The following ZNF816 variants were observed in gnomAD, a reference collection of about 807,000 sequenced individuals.
The protein encoded by ZNF816 is zinc finger protein 816.
A neutral mutation model predicts 8.3 loss-of-function variants in ZNF816; 11 were observed. The observed-to-expected ratio is 1.32, with a 90% CI of 0.83 to 2.19. ZNF816 has a LOEUF of 2.19. Among genes scored for constraint, ZNF816 ranks in the 30% most tolerant of loss-of-function variants. The probability of loss-of-function intolerance (pLI) is 0.00; values close to 1 mark genes in which losing one functional copy is unlikely to be tolerated. For synonymous variants in ZNF816, 255 were observed against 254.5 expected (o/e 1.00, Z -0.02); for missense variants, 710 against 779.3 (o/e 0.91, Z 1.06).
chr19:52,956,093 T>A lies in ZNF816; in HGVS notation c.-4A>T. 1 of 1,606,260 alleles carries A rather than the reference T, an allele frequency of 6.2e-7. No homozygotes were observed. Among genetic ancestry groups the A allele is most frequent in the Admixed American group, 1.8e-5 (1 of 56,688 alleles). On this transcript the variant is annotated 5_prime_UTR_variant, in exon 2 of 4. Transcript: ENST00000444460. Reference sequence around the variant, plus strand: ...TGGTGGCTTCCTCACGTAACATGAGTCTTTGGAAATCCTGTATGTTAAAAA... The same window carrying A: ...TGGTGGCTTCCTCACGTAACATGAGACTTTGGAAATCCTGTATGTTAAAAA...
Position 52,951,042 on chromosome 19 carries a change from TTAAGAGTGAGC to T in ZNF816, c.722_732del (p.Ser241LysfsTer14). 1 of 1,614,042 alleles carries T rather than the reference TTAAGAGTGAGC, an allele frequency of 6.2e-7. No homozygotes were observed. Among genetic ancestry groups the T allele is most frequent in the Non-Finnish European group, 8.5e-7 (1 of 1,179,982 alleles). On this transcript the variant is annotated frameshift_variant, in exon 4 of 4. Transcript: ENST00000444460. LOFTEE classifies it low-confidence loss of function (END_TRUNC). Reference sequence around the variant, plus strand: ...CTTGAATGGGTTATGTGGTGTCTCCTTAAGAGTGAGCTATAATTAAAGGCTTTGCCACACTC... The same window carrying T: ...CTTGAATGGGTTATGTGGTGTCTCCTTATAATTAAAGGCTTTGCCACACTC...
At chr19:52,952,603 G>T in intron 3 of ZNF816, 148 bp downstream of exon 3, 3 of 1,460,108 alleles carry the variant, frequency 2.1e-6, no homozygotes, top group South Asian at 2.6e-5. Flanking sequence ...AGCTGTCCAT[G>T]ACAGATAGGA....
At chr19:52,958,993 G>A (rs1195972671) in intron 1 of ZNF816, among the ~76,000 whole-genome samples, 1 of 152,204 alleles carries the variant, frequency 6.6e-6, no homozygotes, top group Non-Finnish European at 1.5e-5. Flanking sequence ...CTTTTACGCT[G>A]TATGTTTCTG....
rs2115085 is a variant in ZNF816 at position 52,957,058 on chromosome 19, C to T, written c.-15-954G>A. Among the ~76,000 whole-genome samples, 151,916 of 152,280 alleles carry T rather than the reference C, an allele frequency of 1. 75,778 individuals carry two copies. The highest frequency in any genetic ancestry group is 1 in the Middle Eastern group (294 of 294). On this transcript the variant is annotated intron_variant, in intron 1 of 3. Coordinates refer to ENST00000444460, the MANE Select transcript of ZNF816 (RefSeq NM_001202457.3). This position sits in a 1 kb window ranked among gnomAD's most constrained non-coding sequence, Gnocchi z 4.6. ...ACCCTTTCACGTGGATGCCTTAGAG[C>T]TGTAAGCCCTTAAAAGGGCCAGGAA... is the stretch of plus-strand genomic sequence containing the variant.
intron 2 of ZNF816, 38 bp downstream of exon 2, chr19:52,955,989 G>C: frequency 6.3e-7 from 1 of 1,587,086 alleles, no homozygotes; most frequent in Non-Finnish European, 8.5e-7. Context: ...CTTCAGAAAG[G>C]AAAGAGACAG....
At chr19:52,954,638 A>G (rs974389066) in intron 2 of ZNF816, among the ~76,000 whole-genome samples, 3 of 152,106 alleles carry the variant, frequency 2.0e-5, no homozygotes, top group African/African-American at 7.2e-5. Context: ...CAGCCTGGCC[A>G]ACATGGTGAA....
rs201936510 is a variant in ZNF816 at position 52,951,899 on chromosome 19, GAA to G, written c.191-317_191-316del. Reference sequence around the variant, plus strand: ...GGCAACAAGAGCAAAATTCTGTGTAGAAAAAAAAAAGAGTTCAGTCAAGAGCC... The same window carrying G: ...GGCAACAAGAGCAAAATTCTGTGTAGAAAAAAAAGAGTTCAGTCAAGAGCC... On this transcript the variant is annotated intron_variant, in intron 3 of 3. Transcript: ENST00000444460. The G allele has an allele frequency of 1.2e-3, 465 of 372,428 alleles. 1 individual carries two copies. Among genetic ancestry groups the G allele is most frequent in the African/African-American group, 9.1e-3 (421 of 46,452 alleles). The allele number at this position is 372,428 out of a possible 1,614,324, so 23.1% of individuals were successfully genotyped here. A position where few individuals can be genotyped will look rare whatever the true frequency, so the allele number is the denominator to read the frequency against.
rs927761753 is a variant in ZNF816 at position 52,950,889 on chromosome 19, G to A, written c.886C>T (p.Gln296Ter). ...CGATGGCATACAAGGGATGACATCTGAGTGAAGGTCTTCCCACACTCATTA... is the reference window on the plus strand; with the variant it reads ...CGATGGCATACAAGGGATGACATCTAAGTGAAGGTCTTCCCACACTCATTA... Reference protein sequence around the residue: ...KCNECGKTFTQMSSLVCHRRL... With the variant: ...KCNECGKTFT The change falls in exon 4 of 4, where the codon CAG (glutamine) becomes TAG (stop). Residue 296 changes from glutamine (Q) to a stop codon, truncating the protein, a stop_gained. Transcript: ENST00000444460. LOFTEE classifies it low-confidence loss of function (END_TRUNC). The A allele has an allele frequency of 4.3e-6, 7 of 1,613,996 alleles. No individual in the cohort carries two copies. The highest frequency in any genetic ancestry group is 5.9e-6 in the Non-Finnish European group (7 of 1,180,028).
rs200988588 is a variant in ZNF816 at position 52,950,769 on chromosome 19, T to C, written c.1006A>G (p.Thr336Ala). ...SSLRCHRRLH[T>A]GEKPYKCNEC... Reference sequence around the variant, plus strand: ...TTACACTTGTAAGGTTTCTCTCCAGTATGAAGTCTACGATGGCATCTAAGG... The same window carrying C: ...TTACACTTGTAAGGTTTCTCTCCAGCATGAAGTCTACGATGGCATCTAAGG... The change falls in exon 4 of 4, where the codon ACT becomes GCT. Residue 336 changes from threonine to alanine, a missense_variant. Coordinates refer to ENST00000444460, the MANE Select transcript of ZNF816 (RefSeq NM_001202457.3). 90 of 1,613,686 alleles carry C rather than the reference T, an allele frequency of 5.6e-5. No homozygotes were observed. Among genetic ancestry groups the C allele is most frequent in the Non-Finnish European group, 2.4e-5 (28 of 1,180,044 alleles).
chr19:52,960,199 G>T, intron 1 of ZNF816: 1 of 242,196 alleles, frequency 4.1e-6, no homozygotes, highest in South Asian at 4.9e-5. Flanking sequence ...ACAATGCGAG[G>T]CAGGGTTCAG....
intron 2 of ZNF816, among the ~76,000 whole-genome samples, chr19:52,954,786 C>A (rs1053739485): frequency 1.7e-5 from 2 of 115,918 alleles, no homozygotes; most frequent in African/African-American, 3.6e-5. Flanking sequence ...ACACTCCAGG[C>A]GGGGAGGCCC....
chr19:52,950,859 G>A lies in ZNF816; in HGVS notation c.916C>T (p.Leu306Phe). 6.2e-7 allele frequency: 1 copy of A among 1,613,974 alleles called. No individual in the cohort carries two copies. ...QMSSLVCHRR[L>F]HTGEKPYKCN... ...TTGTAAGGTTTCTCTCCAGTATGAA[G>A]TCTACGATGGCATACAAGGGATGAC... Residue 306 changes from leucine (L) to phenylalanine (F), a missense_variant, in exon 4 of 4, where the codon CTT becomes TTT. Coordinates refer to ENST00000444460, the MANE Select transcript of ZNF816 (RefSeq NM_001202457.3).
Position 52,955,915 on chromosome 19 carries a change from C to A in ZNF816, c.63+112G>T, listed in dbSNP as rs1002980489. 6 of 1,373,842 alleles carry A rather than the reference C, an allele frequency of 4.4e-6. No homozygotes were observed. The Admixed American group carries it at 6.6e-5, about 15-fold the overall frequency. The allele number at this position is 1,373,842 out of a possible 1,614,324, so 85.1% of individuals were successfully genotyped here. A position where few individuals can be genotyped will look rare whatever the true frequency, so the allele number is the denominator to read the frequency against. On this transcript the variant is annotated intron_variant, in intron 2 of 3. Coordinates refer to ENST00000444460, the MANE Select transcript of ZNF816 (RefSeq NM_001202457.3). ...GACTGAGAAAAGACACGGGTGAGTGCGAGCAAACGTGTGATGTAGAATGCT... is the reference window on the plus strand; with the variant it reads ...GACTGAGAAAAGACACGGGTGAGTGAGAGCAAACGTGTGATGTAGAATGCT...
rs149508172 is a variant in ZNF816, at chr19:52,949,859, T to C, written c.1916A>G (p.His639Arg). ...AFTGQSTLIH[H>R]QAIHGCRETL... ...TTCCCTACACCCATGGATTGCTTGA[T>C]GGTGAATAAGTGTTGACTGTCCAGT... The change falls in exon 4 of 4, where the codon CAT (histidine) becomes CGT (arginine). Residue 639 changes from histidine to arginine, a missense_variant. His to Arg is a conservative substitution (Grantham distance 29). Transcript: ENST00000444460. 148 of 1,613,652 alleles carry C rather than the reference T, an allele frequency of 9.2e-5. 1 individual carries two copies. The highest frequency in any genetic ancestry group is 1.2e-4 in the Non-Finnish European group (139 of 1,179,752).
chr19:52,954,926 C>A (rs1011498073), intron 2 of ZNF816, among the ~76,000 whole-genome samples: 2 of 151,430 alleles, frequency 1.3e-5, no homozygotes, highest in South Asian at 4.2e-4. Context: ...CTCTCAACAG[C>A]GATTCCCCAC....
chr19:52,954,059 G>GTA (rs918115509), intron 2 of ZNF816, among the ~76,000 whole-genome samples: 9 of 112,096 alleles, frequency 8.0e-5, no homozygotes, highest in East Asian at 4.9e-4. Flanking sequence ...AAAAAAAAAG[G>GTA]TATATATATA....
At chr19:52,956,373 C>T (rs1055835489) in intron 1 of ZNF816, 4 of 318,240 alleles carry the variant, frequency 1.3e-5, no homozygotes, top group Non-Finnish European at 2.3e-5. Flanking sequence ...CTAGCCCTAA[C>T]CAAACTCCAT....
At position 52,953,614 on chromosome 19, in the gene ZNF816, TA is replaced by T. The variant is rs1278729082; in HGVS notation, c.64-738del. 3.5e-3 allele frequency among the ~76,000 whole-genome samples: 473 copies of T among 135,234 alleles called. 7 individuals carry two copies. Among genetic ancestry groups the T allele is most frequent in the African/African-American group, 0.013 (456 of 35,576 alleles). The allele number at this position is 135,234 out of a possible 152,430, so 88.7% of individuals were successfully genotyped here. A position where few individuals can be genotyped will look rare whatever the true frequency, so the allele number is the denominator to read the frequency against. ...CAATATTATATATAATATGTATTTA[TA>T]AAATATATATGATACAATATTATAT... On this transcript the variant is annotated intron_variant, in intron 2 of 3. Transcript: ENST00000444460.
At chr19:52,956,271 A>C in intron 1 of ZNF816, 167 bp from the exon 2 acceptor site, 1 of 732,384 alleles carries the variant, frequency 1.4e-6, no homozygotes, top group Non-Finnish European at 2.1e-6. Flanking sequence ...AAGACCTACA[A>C]ATGTAATTTT....
Sources: gnomAD v4.1 joint callset for allele counts (sites outside exome capture counted in the v4.1 genomes callset) on GRCh38, gnomAD v4.1.1 for gene constraint, Gnocchi (gnomAD v3.1) non-coding constraint, MANE v1.5 for transcripts, NCBI Gene and HGNC (gene_info 2026-07-23, HGNC 2026-07-21) for gene names.